CCDC200: variants seen among roughly 807,000 people sequenced by gnomAD.
CCDC200 encodes the protein coiled-coil domain containing 200.
At chr17:43,222,118 T>C (rs191739203) in intron 3 of CCDC200, among the ~76,000 whole-genome samples, 6 of 151,752 alleles carry the variant, frequency 4.0e-5, no homozygotes, top group Admixed American at 3.3e-4. Context: ...CCATCCTGAG[T>C]TTGATAGCCT....
intron 1 of CCDC200, among the ~76,000 whole-genome samples, chr17:43,225,300 A>AT (rs937864429): frequency 1.3e-5 from 2 of 151,896 alleles, no homozygotes; most frequent in East Asian, 1.9e-4. Context: ...TCCCAAAGTG[A>AT]TTTTTTTAAT....
chr17:43,226,551 A>T (rs547852770), intron 1 of CCDC200, among the ~76,000 whole-genome samples: 3 of 152,046 alleles, frequency 2.0e-5, no homozygotes, highest in Non-Finnish European at 2.9e-5. Context: ...GCACACTACC[A>T]TGCCTGGCTA....
intron 1 of CCDC200, 47 bp from the exon 2 acceptor site, chr17:43,224,596 A>G (rs1047013584): frequency 2.0e-5 from 3 of 152,662 alleles, no homozygotes; most frequent in African/African-American, 4.8e-5. Flanking sequence ...TCCCCACCCA[A>G]TCACCCATCT....
Position 43,224,243 on chromosome 17 carries a change from G to T in CCDC200, c.412C>A (p.Gln138Lys). The T allele has an allele frequency of 6.5e-6, 1 of 153,780 alleles. No individual in the cohort carries two copies. Among genetic ancestry groups the T allele is most frequent in the South Asian group, 1.9e-4 (1 of 5,368 alleles). 9.5% of individuals were successfully genotyped at this position (153,780 alleles called of 1,614,324 possible). A position where few individuals can be genotyped will look rare whatever the true frequency, so the allele number is the denominator to read the frequency against. Reference sequence around the variant, plus strand: ...GAAGTAGGCTGGTGACCTGGCCTTTGGGAATCCTGGAGATTGCATTTGGAG... The same window carrying T: ...GAAGTAGGCTGGTGACCTGGCCTTTTGGAATCCTGGAGATTGCATTTGGAG... ...HTSKCNLQDSQRPGLMNPCQS... is the reference protein window; with the variant it reads ...HTSKCNLQDSKRPGLMNPCQS... Residue 138 changes from glutamine to lysine, a missense_variant, in exon 2 of 4, where the codon CAA (glutamine) becomes AAA (lysine). By Grantham distance (53) the Gln-to-Lys change is moderately conservative. Coordinates refer to ENST00000636331, the MANE Select transcript of CCDC200 (RefSeq NM_001363254.2).
At chr17:43,227,958 ATTATC>A (rs2057582418) in intron 1 of CCDC200, among the ~76,000 whole-genome samples, 1 of 149,954 alleles carries the variant, frequency 6.7e-6, no homozygotes, top group Admixed American at 6.6e-5. Flanking sequence ...AAAATACAAA[ATTATC>A]TGGGCGTGGT....
At chr17:43,223,235 A>C (rs1598038590) in intron 3 of CCDC200, among the ~76,000 whole-genome samples, 9 of 93,236 alleles carry the variant, frequency 9.7e-5, no homozygotes, top group Non-Finnish European at 1.5e-4. Flanking sequence ...AATTTTTTTC[A>C]ATTTTTTTCA....
rs1045732331 is a variant in CCDC200 at position 43,221,589 on chromosome 17, A to G, written c.489T>C (p.Asn163=). 1 of 152,502 alleles carries G rather than the reference A, an allele frequency of 6.6e-6. No individual in the cohort carries two copies. Among genetic ancestry groups the G allele is most frequent in the African/African-American group, 2.4e-5 (1 of 41,410 alleles). 9.4% of individuals were successfully genotyped at this position (152,502 alleles called of 1,614,324 possible). ...CTCTGGATCACCACTGCTGTATGTA[A>G]TTGGTAGACTGAGAAGAGGGAGAGA... The part of the protein sequence containing the change: ...NTGYSQLKST[N]YIQQW The change falls in exon 4 of 4, where the codon AAT becomes AAC. Residue 163 remains asparagine (N), a synonymous_variant. Coordinates refer to ENST00000636331, the MANE Select transcript of CCDC200 (RefSeq NM_001363254.2).
chr17:43,224,332 G>T lies in CCDC200; in HGVS notation c.323C>A (p.Pro108Gln). 6.4e-6 allele frequency: 1 copy of T among 156,246 alleles called. No homozygotes were observed. The highest frequency in any genetic ancestry group is 1.7e-4 in the South Asian group (1 of 5,728). The allele number at this position is 156,246 out of a possible 1,614,324, so 9.7% of individuals were successfully genotyped here. A position where few individuals can be genotyped will look rare whatever the true frequency, so the allele number is the denominator to read the frequency against. The change falls in exon 2 of 4, where the codon CCA becomes CAA. Residue 108 changes from proline to glutamine, a missense_variant. Transcript: ENST00000636331. Reference protein sequence around the residue: ...QAQVWPGPQPPQPQPPPQPTQ... With the variant: ...QAQVWPGPQPQQPQPPPQPTQ... ...TGGCTGAGGTGGTGGCTGTGGTTGT[G>T]GTGGCTGTGGCCCTGGCCACACCTG...
chr17:43,223,236 A>AATTTT (rs2057545176), intron 3 of CCDC200, among the ~76,000 whole-genome samples: 1 of 68,138 alleles, frequency 1.5e-5, no homozygotes, highest in Non-Finnish European at 3.9e-5. Context: ...ATTTTTTTCA[A>AATTTT]TTTTTTTCAA....
intron 3 of CCDC200, 72 bp downstream of exon 3, chr17:43,223,484 A>ACTCTCT (rs71361512): frequency 7.1e-6 from 1 of 141,844 alleles, no homozygotes; most frequent in Non-Finnish European, 1.6e-5. Flanking sequence ...ACACACTCAC[A>ACTCTCT]CTCTCTCTCT....
chr17:43,225,700 C>A (rs2057564269), intron 1 of CCDC200, among the ~76,000 whole-genome samples: 1 of 26,958 alleles, frequency 3.7e-5, no homozygotes, highest in Non-Finnish European at 3.5e-4. Flanking sequence ...ATATTGCATG[C>A]TACATGTGTA....
Position 43,225,680 on chromosome 17 carries a change from G to GTATATATATA in CCDC200, c.106-1141_106-1132dup, listed in dbSNP as rs1176223204. ...TCCGTCTAAAAAAAAAAAAAAAAAA[G>GTATATATATA]TATATATATATATTGCATGCTACAT... On this transcript the variant is annotated intron_variant, in intron 1 of 3. Coordinates refer to ENST00000636331, the MANE Select transcript of CCDC200 (RefSeq NM_001363254.2). Among the ~76,000 whole-genome samples, 42 of 16,662 alleles carry GTATATATATA rather than the reference G, an allele frequency of 2.5e-3. 18 individuals are homozygous for GTATATATATA. Among genetic ancestry groups the GTATATATATA allele is most frequent in the South Asian group, 0.022 (2 of 92 alleles). 10.9% of individuals were successfully genotyped at this position (16,662 alleles called of 152,430 possible). A position where few individuals can be genotyped will look rare whatever the true frequency, so the allele number is the denominator to read the frequency against.
At chr17:43,230,766 G>A (rs1555617183), upstream of CCDC200, among the ~76,000 whole-genome samples, 125 of 78,710 alleles carry the variant, frequency 1.6e-3, 35 homozygotes, top group Middle Eastern at 0.031. Context: ...AGATCATGAG[G>A]TCAGGAGATC....
rs1202982434 is a variant in CCDC200 at position 43,223,238 on chromosome 17, TTTTTTCAA to T, written c.480+310_480+317del. ...TGGCTTTTTTTCAATTTTTTTCAAT[TTTTTTCAA>T]TTTTTTTTTTTTTTTGGAGATGTCT... On this transcript the variant is annotated intron_variant, in intron 3 of 3. Transcript: ENST00000636331. Among the ~76,000 whole-genome samples, 752 of 111,480 alleles carry T rather than the reference TTTTTTCAA, an allele frequency of 6.7e-3. 16 individuals are homozygous for T. The highest frequency in any genetic ancestry group is 0.021 in the African/African-American group (711 of 33,816). 73.1% of individuals were successfully genotyped at this position (111,480 alleles called of 152,430 possible).
In CCDC200 at chr17:43,225,693, T is replaced by TATATATATAAAA. The variant is rs1282739067; in HGVS notation, c.106-1145_106-1144insTTTTATATATAT. 2.4e-3 allele frequency among the ~76,000 whole-genome samples: 69 copies of TATATATATAAAA among 28,974 alleles called. 25 individuals carry two copies. Among genetic ancestry groups the TATATATATAAAA allele is most frequent in the South Asian group, 0.016 (6 of 370 alleles). The allele number at this position is 28,974 out of a possible 152,430, so 19.0% of individuals were successfully genotyped here. A position where few individuals can be genotyped will look rare whatever the true frequency, so the allele number is the denominator to read the frequency against. On this transcript the variant is annotated intron_variant, in intron 1 of 3. Transcript: ENST00000636331. ...AAAAAAAAAAAAGTATATATATATA[T>TATATATATAAAA]TGCATGCTACATGTGTAATTTTAAA...
At position 43,221,531 on chromosome 17, in the gene CCDC200, T is replaced by C. The variant is rs2057533933; in HGVS notation, c.*40A>G. 6.6e-6 allele frequency: 1 copy of C among 152,514 alleles called. No individual in the cohort carries two copies. Among genetic ancestry groups the C allele is most frequent in the Non-Finnish European group, 1.5e-5 (1 of 68,018 alleles). The allele number at this position is 152,514 out of a possible 1,614,324, so 9.4% of individuals were successfully genotyped here. A position where few individuals can be genotyped will look rare whatever the true frequency, so the allele number is the denominator to read the frequency against. ...GAGAAGATGTGGTTGCTCATCTGCA[T>C]TTTGGGGATGGCCATGGGGTCCTGG... On this transcript the variant is annotated 3_prime_UTR_variant, in exon 4 of 4. Coordinates refer to ENST00000636331, the MANE Select transcript of CCDC200 (RefSeq NM_001363254.2).
chr17:43,230,528 T>G (rs1381020515), upstream of CCDC200, among the ~76,000 whole-genome samples: 2 of 62,840 alleles, frequency 3.2e-5, no homozygotes, highest in Non-Finnish European at 4.1e-5. Flanking sequence ...ATACAAAAAT[T>G]AGCTGGGCGT....
At position 43,225,383 on chromosome 17, in the gene CCDC200, G is replaced by T. The variant is rs985606642; in HGVS notation, c.106-834C>A. Among the ~76,000 whole-genome samples, 12 of 151,648 alleles carry T rather than the reference G, an allele frequency of 7.9e-5. No homozygotes were observed. The East Asian group carries it at 2.4e-3, about 30-fold the overall frequency. ...TCAAATAAAAATATAATTCATGCTGGGCCGGACGCGGTGGCTCACGCCTGT... is the reference window on the plus strand; with the variant it reads ...TCAAATAAAAATATAATTCATGCTGTGCCGGACGCGGTGGCTCACGCCTGT... On this transcript the variant is annotated intron_variant, in intron 1 of 3. Transcript: ENST00000636331.
chr17:43,223,236 ATTTTTTTCAATTTT>A (rs1183756919), intron 3 of CCDC200, among the ~76,000 whole-genome samples: 1 of 68,138 alleles, frequency 1.5e-5, no homozygotes, highest in Non-Finnish European at 3.9e-5. Context: ...ATTTTTTTCA[ATTTTTTTCAATTTT>A]TTTTTTTTTT....
Sources: allele counts gnomAD v4.1 joint callset (sites outside exome capture counted in the v4.1 genomes callset), GRCh38; gene constraint gnomAD v4.1.1; transcripts MANE v1.5; gene names NCBI Gene and HGNC (gene_info 2026-07-23, HGNC 2026-07-21).